FOXP2: variants seen among roughly 807,000 people sequenced by gnomAD.
FOXP2 encodes the protein forkhead box P2.
In FOXP2, 12 loss-of-function variants were observed where a neutral mutation model predicts 115.8. That is an observed-to-expected ratio of 0.10 (90% confidence interval 0.07 to 0.17). The LOEUF (loss-of-function observed/expected upper bound fraction) is 0.17, where lower values mean the gene tolerates loss of function less well. Among genes scored for constraint, FOXP2 ranks in the 10% least tolerant of loss-of-function variants. The pLI, the probability that FOXP2 is intolerant of heterozygous loss-of-function variation, is 1.00. For missense variants in FOXP2, 629 were observed against 843.5 expected (o/e 0.75, Z 3.15); for synonymous variants, 328 against 297.7 (o/e 1.10, Z -1.05).
chr7:114,331,682 T>C (rs963061065), intron 2 of FOXP2, among the ~76,000 whole-genome samples: 1 of 152,000 alleles, frequency 6.6e-6, no homozygotes, highest in South Asian at 2.1e-4. Context: ...TTCTTTTGTT[T>C]TTAGAGACAG....
At chr7:114,292,861 G>A (rs938174746) in intron 2 of FOXP2, among the ~76,000 whole-genome samples, 1 of 152,098 alleles carries the variant, frequency 6.6e-6, no homozygotes, top group Non-Finnish European at 1.5e-5. Context: ...ACACCTTCTT[G>A]ATTTAGAACA....
intron 1 of FOXP2, among the ~76,000 whole-genome samples, chr7:114,220,033 A>T (rs1423794405): frequency 7.3e-6 from 1 of 137,480 alleles, no homozygotes; most frequent in Non-Finnish European, 1.6e-5. Context: ...TGCTCAGCTA[A>T]TTTTTTTTTT....
intron 3 of FOXP2, among the ~76,000 whole-genome samples, chr7:114,626,092 T>C (rs887514775): frequency 2.0e-5 from 3 of 151,846 alleles, no homozygotes; most frequent in African/African-American, 7.2e-5. Context: ...TTAAAACATA[T>C]GATCTTAAGA....
At chr7:114,435,800 A>G (rs575876866) in intron 2 of FOXP2, among the ~76,000 whole-genome samples, 4 of 152,304 alleles carry the variant, frequency 2.6e-5, no homozygotes, top group Non-Finnish European at 5.9e-5. Flanking sequence ...TGGCCTCCCA[A>G]AGTTCCGGGA....
intron 2 of FOXP2, among the ~76,000 whole-genome samples, chr7:114,473,677 A>T (rs1796141670): frequency 6.6e-6 from 1 of 152,044 alleles, no homozygotes; most frequent in Non-Finnish European, 1.5e-5. Context: ...ATGACTCCAA[A>T]CCACAAGAAC....
At chr7:114,492,391 T>A (rs1033015096) in intron 2 of FOXP2, among the ~76,000 whole-genome samples, 1 of 152,172 alleles carries the variant, frequency 6.6e-6, no homozygotes, top group African/African-American at 2.4e-5. Context: ...TTTTGAAGGA[T>A]TTTTTGTATC....
At chr7:114,370,604 C>A (rs1791981114) in intron 2 of FOXP2, among the ~76,000 whole-genome samples, 1 of 152,302 alleles carries the variant, frequency 6.6e-6, no homozygotes, top group East Asian at 1.9e-4. Context: ...CTTACTAGGT[C>A]TCTGGCAAAA....
At chr7:114,678,647 C>T (rs1807907950) in intron 16 of FOXP2, among the ~76,000 whole-genome samples, 1 of 133,618 alleles carries the variant, frequency 7.5e-6, no homozygotes, top group African/African-American at 2.8e-5. Flanking sequence ...CCTTAAAATG[C>T]TATAAGAACA....
intron 2 of FOXP2, among the ~76,000 whole-genome samples, chr7:114,489,721 T>A (rs1796945596): frequency 6.6e-6 from 1 of 152,034 alleles, no homozygotes; most frequent in Non-Finnish European, 1.5e-5. Context: ...AGGTGGAGGT[T>A]AAAGTTGAAA....
At chr7:114,299,935 T>G (rs1584618842) in intron 2 of FOXP2, among the ~76,000 whole-genome samples, 1 of 152,134 alleles carries the variant, frequency 6.6e-6, no homozygotes, top group East Asian at 1.9e-4. Context: ...AGTACTCATT[T>G]ACACTTTCAG....
At chr7:114,266,188 C>T (rs1196323265) in intron 1 of FOXP2, among the ~76,000 whole-genome samples, 2 of 152,164 alleles carry the variant, frequency 1.3e-5, no homozygotes, top group East Asian at 3.9e-4. Flanking sequence ...TTCCCCTCAT[C>T]TTCCTGTTTT....
intron 16 of FOXP2, among the ~76,000 whole-genome samples, chr7:114,688,430 T>C (rs1360936773): frequency 6.6e-6 from 1 of 152,188 alleles, no homozygotes; most frequent in African/African-American, 2.4e-5. Flanking sequence ...AATCTGTACC[T>C]TTTAAAATTC....
chr7:114,345,713 G>A (rs1791330531), intron 2 of FOXP2, among the ~76,000 whole-genome samples: 1 of 151,672 alleles, frequency 6.6e-6, no homozygotes, highest in Non-Finnish European at 1.5e-5. Flanking sequence ...AATGAGTACA[G>A]TACACCAGCT....
chr7:114,496,443 C>T (rs961541556), intron 2 of FOXP2, among the ~76,000 whole-genome samples: 2 of 152,082 alleles, frequency 1.3e-5, no homozygotes, highest in Non-Finnish European at 2.9e-5. Flanking sequence ...ATATGCCAAT[C>T]AGTGCATTAT....
chr7:114,568,632 T>A (rs1444150671), intron 3 of FOXP2, among the ~76,000 whole-genome samples: 1 of 151,862 alleles, frequency 6.6e-6, no homozygotes, highest in Non-Finnish European at 1.5e-5. Context: ...GCAGCTTCCA[T>A]CCCAAAGCTA....
chr7:114,310,410 T>C (rs528494585), intron 2 of FOXP2, among the ~76,000 whole-genome samples: 1 of 152,290 alleles, frequency 6.6e-6, no homozygotes, highest in East Asian at 1.9e-4. Flanking sequence ...AGTCATCATG[T>C]CCAAGTTGAC....
intron 2 of FOXP2, among the ~76,000 whole-genome samples, chr7:114,513,913 G>T (rs1798197238): frequency 6.6e-6 from 1 of 151,966 alleles, no homozygotes; most frequent in African/African-American, 2.4e-5. Context: ...GCAAAATAGG[G>T]TCCAAACTGC....
chr7:114,343,926 C>A (rs899582504), intron 2 of FOXP2, among the ~76,000 whole-genome samples: 2 of 151,630 alleles, frequency 1.3e-5, no homozygotes, highest in Non-Finnish European at 3.0e-5. Flanking sequence ...GTCTTCCTCA[C>A]CCCCACCTCC....
chr7:114,149,612 T>TA (rs1439132871), intron 1 of FOXP2, among the ~76,000 whole-genome samples: 2 of 151,972 alleles, frequency 1.3e-5, no homozygotes, highest in African/African-American at 2.4e-5. Flanking sequence ...ATTTTTTTTT[T>TA]ATCTAGCAAA....
Sources: allele counts gnomAD v4.1 joint callset (sites outside exome capture counted in the v4.1 genomes callset), GRCh38; gene constraint gnomAD v4.1.1; transcripts MANE v1.5; gene names NCBI Gene and HGNC (gene_info 2026-07-23, HGNC 2026-07-21).